Variants in ITGAX observed in about 807,000 individuals in gnomAD.
ITGAX encodes integrin subunit alpha X, also known as integrin alpha-X.
In ITGAX, 99 loss-of-function variants were observed where a neutral mutation model predicts 140.2. The ratio of observed to expected loss-of-function variants is 0.71; its 90% CI spans 0.60 to 0.83. The LOEUF (loss-of-function observed/expected upper bound fraction) is 0.83, where lower values mean the gene tolerates loss of function less well. Ranked by LOEUF, ITGAX falls within the 40% of genes least tolerant of loss-of-function variation. The probability of loss-of-function intolerance (pLI) is 0.00; values close to 1 mark genes in which losing one functional copy is unlikely to be tolerated. For missense variants in ITGAX, 1,444 were observed against 1,482.0 expected (o/e 0.97, Z 0.42); for synonymous variants, 631 against 600.4 (o/e 1.05, Z -0.75).
intron 17 of ITGAX, 98 bp from the exon 18 acceptor site, chr16:31,372,280 C>T (rs530915536): frequency 1.5e-4 from 218 of 1,441,546 alleles, no homozygotes; most frequent in Non-Finnish European, 2.0e-4. Flanking sequence ...TGAAGCCGCG[C>T]GGGAGCTGGG....
chr16:31,368,548 T>C (rs1212279146), intron 14 of ITGAX, among the ~76,000 whole-genome samples: 3 of 151,124 alleles, frequency 2.0e-5, no homozygotes, highest in African/African-American at 7.3e-5. Context: ...TAAATCAGCA[T>C]AGAATTTGAG....
Position 31,375,966 on chromosome 16 carries a change from G to A in ITGAX, c.2509-833G>A, listed in dbSNP as rs577119430. On this transcript the variant is annotated intron_variant, in intron 20 of 29. Coordinates refer to ENST00000268296, the MANE Select transcript of ITGAX (RefSeq NM_000887.5). ...CATGACCAGTATATTGGTATATTAA[G>A]GAGTAATTGTTAATTTTGTTGGCTG... 1.6e-4 allele frequency among the ~76,000 whole-genome samples: 24 copies of A among 152,308 alleles called. No homozygotes were observed. The East Asian group carries it at 4.6e-3, about 29-fold the overall frequency.
Position 31,378,024 on chromosome 16 carries a change from G to A in ITGAX, c.2789+759G>A, listed in dbSNP as rs151081083. On this transcript the variant is annotated intron_variant, in intron 23 of 29. Coordinates refer to ENST00000268296, the MANE Select transcript of ITGAX (RefSeq NM_000887.5). ...GGTGCCGGAAGAGTGAAGCAGTGAG[G>A]CAGTGGTGAGACTGGCCACCTGTGT... 5.3e-5 allele frequency among the ~76,000 whole-genome samples: 8 copies of A among 152,296 alleles called. No individual in the cohort carries two copies. In the East Asian group the frequency reaches 1.5e-3, roughly 29 times the overall value.
At chr16:31,365,752 G>A (rs765946661) in intron 14 of ITGAX, among the ~76,000 whole-genome samples, 1 of 152,260 alleles carries the variant, frequency 6.6e-6, no homozygotes, top group Non-Finnish European at 1.5e-5. Flanking sequence ...GGGAAACCCC[G>A]TCTCTACCCA....
chr16:31,373,651 A>C (rs910220111), intron 20 of ITGAX, among the ~76,000 whole-genome samples: 1 of 152,210 alleles, frequency 6.6e-6, no homozygotes, highest in African/African-American at 2.4e-5. Flanking sequence ...TCCTCTTTTA[A>C]ATGAAAACAT....
In ITGAX at chr16:31,360,449, C is replaced by T. The variant is rs770795025; in HGVS notation, c.847C>T (p.Arg283Cys). Residue 283 changes from arginine (R) to cysteine (C), a missense_variant, in exon 8 of 30, where the codon CGC (arginine) becomes TGC (cysteine). By Grantham distance (180) the Arg-to-Cys change is radical. Coordinates refer to ENST00000268296, the MANE Select transcript of ITGAX (RefSeq NM_000887.5). ...CATGGCTGATGCAGCAGGCATCATC[C>T]GCTATGCAATTGGGGTAGGGCGTGG... ...IPMADAAGII[R>C]YAIGVGLAFQ... The T allele has an allele frequency of 1.4e-5, 22 of 1,610,316 alleles. No homozygotes were observed. Among genetic ancestry groups the T allele is most frequent in the South Asian group, 3.3e-5 (3 of 90,642 alleles).
chr16:31,372,001 A>T (rs2080968788), intron 17 of ITGAX, among the ~76,000 whole-genome samples: 2 of 152,170 alleles, frequency 1.3e-5, no homozygotes, highest in African/African-American at 4.8e-5. Context: ...ATTGGATTTC[A>T]GGAAAGAGAA....
Position 31,371,477 on chromosome 16 carries a change from C to T in ITGAX, c.1985C>T (p.Ser662Phe). Residue 662 changes from serine (S) to phenylalanine (F), a missense_variant, in exon 16 of 30, where the codon TCT becomes TTT. Transcript: ENST00000268296. ...ATCTGCCTTTACATTGACAAACGTT[C>T]TAAGAACCTGCTTGGGAGCCGTGAG... The part of the protein sequence containing the change: ...SNICLYIDKR[S>F]KNLLGSRDLQ... The T allele has an allele frequency of 6.2e-7, 1 of 1,614,098 alleles. No individual in the cohort carries two copies. The highest frequency in any genetic ancestry group is 2.2e-5 in the East Asian group (1 of 44,870).
In ITGAX at chr16:31,360,023, T is replaced by G. The variant is rs2080805396; in HGVS notation, c.665T>G (p.Leu222Arg). Residue 222 changes from leucine (L) to arginine (R), a missense_variant, in exon 7 of 30, where the codon CTG becomes CGG. Leu to Arg is a moderately radical substitution (Grantham distance 102, BLOSUM62 -2). Coordinates refer to ENST00000268296, the MANE Select transcript of ITGAX (RefSeq NM_000887.5). ...PLSLLASVHQLQGFTYTATAI... is the reference protein window; with the variant it reads ...PLSLLASVHQRQGFTYTATAI... ...AGCCTGTTGGCTTCTGTTCACCAGCTGCAAGGGTTTACATACACGGCCACC... is the reference window on the plus strand; with the variant it reads ...AGCCTGTTGGCTTCTGTTCACCAGCGGCAAGGGTTTACATACACGGCCACC... 3.7e-6 allele frequency: 6 copies of G among 1,613,378 alleles called. No individual in the cohort carries two copies. Among genetic ancestry groups the G allele is most frequent in the Non-Finnish European group, 5.1e-6 (6 of 1,180,036 alleles).
At chr16:31,356,327 A>C (rs2080759647) in intron 2 of ITGAX, 1 of 433,866 alleles carries the variant, frequency 2.3e-6, no homozygotes, top group South Asian at 3.3e-5. Context: ...ACAGGGTCTC[A>C]CTATGTTGCC....
intron 23 of ITGAX, among the ~76,000 whole-genome samples, chr16:31,378,576 C>T (rs2081040316): frequency 6.6e-6 from 1 of 151,792 alleles, no homozygotes; most frequent in African/African-American, 2.4e-5. Context: ...CTCAAGCGAG[C>T]CTCCCACCTC....
At chr16:31,366,078 AC>A (rs763140527) in intron 14 of ITGAX, among the ~76,000 whole-genome samples, 1 of 152,220 alleles carries the variant, frequency 6.6e-6, no homozygotes, top group Non-Finnish European at 1.5e-5. Flanking sequence ...ATGCAGGCAT[AC>A]CTTGTTTTAT....
In ITGAX at chr16:31,360,060, T is replaced by A; in HGVS notation, c.702T>A (p.Asn234Lys). ...GFTYTATAIQNVVHRLFHASY... is the reference protein window; with the variant it reads ...GFTYTATAIQKVVHRLFHASY... ...CATACACGGCCACCGCCATCCAAAA[T>A]GTCGTGTGAGTCCTGATTTCTTCCA... is the stretch of plus-strand genomic sequence containing the variant. Residue 234 changes from asparagine (N) to lysine (K), a missense_variant, in exon 7 of 30, where the codon AAT becomes AAA. Asn to Lys is a moderately conservative substitution (Grantham distance 94, BLOSUM62 0). Transcript: ENST00000268296. The A allele has an allele frequency of 6.2e-7, 1 of 1,610,026 alleles. No homozygotes were observed.
chr16:31,356,738 C>A lies in ITGAX; in HGVS notation c.247+10C>A. On this transcript the variant is annotated intron_variant, in intron 3 of 29. Coordinates refer to ENST00000268296, the MANE Select transcript of ITGAX (RefSeq NM_000887.5). ...CCCATCGGCCTGCAGGGTGAGTCAC[C>A]GCCCCTCCCGGGACCCAGGGCCGGG... 4.5e-6 allele frequency: 7 copies of A among 1,560,946 alleles called. No homozygotes were observed. The highest frequency in any genetic ancestry group is 2.3e-5 in the East Asian group (1 of 43,328).
chr16:31,377,697 C>T (rs549515216), intron 23 of ITGAX, among the ~76,000 whole-genome samples: 1 of 152,266 alleles, frequency 6.6e-6, no homozygotes, highest in African/African-American at 2.4e-5. Flanking sequence ...TGGCAGGGGA[C>T]CCACAGGCAG....
chr16:31,357,267 C>A lies in ITGAX; in HGVS notation c.333C>A (p.Thr111=), dbSNP rs761480055. Residue 111 remains threonine (T), a synonymous_variant, in exon 5 of 30, where the codon ACC becomes ACA. Transcript: ENST00000268296. ...TGTGTCCCCAGGCCTGCGGCCCCAC[C>A]GTGCACCACGAGTGCGGGAGGAACA... The part of the protein sequence containing the change: ...SPSQLLACGP[T]VHHECGRNMY... 1.1e-5 allele frequency: 18 copies of A among 1,605,304 alleles called. No individual in the cohort carries two copies. Among genetic ancestry groups the A allele is most frequent in the African/African-American group, 4.0e-5 (3 of 74,682 alleles).
rs2081028262 is a variant in ITGAX, at chr16:31,377,220, A to T, written c.2744A>T (p.Gln915Leu). The part of the protein sequence containing the change: ...NTPRTSKTTF[Q>L]LELPVKYAVY... ...CCCAGGACCAGCAAGACCACCTTCC[A>T]GCTGGAGCTCCCGGTGAAGTATGCT... is the stretch of plus-strand genomic sequence containing the variant. The change falls in exon 23 of 30, where the codon CAG (glutamine) becomes CTG (leucine). Residue 915 changes from glutamine (Q) to leucine (L), a missense_variant. Transcript: ENST00000268296. 6.2e-7 allele frequency: 1 copy of T among 1,613,692 alleles called. No homozygotes were observed. The highest frequency in any genetic ancestry group is 1.3e-5 in the African/African-American group (1 of 74,744).
Position 31,355,758 on chromosome 16 carries a change from G to A in ITGAX, c.38-135G>A, listed in dbSNP as rs906970702. 3 of 690,144 alleles carry A rather than the reference G, an allele frequency of 4.3e-6. No individual in the cohort carries two copies. In the Admixed American group the frequency reaches 6.9e-5, roughly 16 times the overall value. The allele number at this position is 690,144 out of a possible 1,614,324, so 42.8% of individuals were successfully genotyped here. On this transcript the variant is annotated intron_variant, in intron 1 of 29. Coordinates refer to ENST00000268296, the MANE Select transcript of ITGAX (RefSeq NM_000887.5). The stretch of plus-strand genomic sequence containing the variant: ...CCCTGGGAAGGAGAGAAGGGGATGA[G>A]TTGGGTGTCCAGAAGACCCAGGCAC...
At chr16:31,372,131 G>C (rs571658094) in intron 17 of ITGAX, among the ~76,000 whole-genome samples, 1 of 151,576 alleles carries the variant, frequency 6.6e-6, no homozygotes. Context: ...CAGGGGCATA[G>C]GTGGCCAAAA....
Sources: gnomAD v4.1 joint callset for allele counts (sites outside exome capture counted in the v4.1 genomes callset) on GRCh38, gnomAD v4.1.1 for gene constraint, MANE v1.5 for transcripts, NCBI Gene and HGNC (gene_info 2026-07-23, HGNC 2026-07-21) for gene names.